The following COL19A1 variants were observed in gnomAD, a reference collection of about 807,000 sequenced individuals.
COL19A1 encodes the protein collagen type XIX alpha 1 chain.
In COL19A1, 159 loss-of-function variants were observed where a neutral mutation model predicts 190.2. The observed-to-expected ratio is 0.84, with a 90% CI of 0.73 to 0.95. COL19A1 has a LOEUF of 0.95. Among genes scored for constraint, COL19A1 ranks in the 40% least tolerant of loss-of-function variants. The pLI is 0.00. For synonymous variants in COL19A1, 509 were observed against 458.9 expected, an observed-to-expected ratio of 1.11 and a Z score of -1.39; for missense variants, 1,418 against 1,431.9, an observed-to-expected ratio of 0.99 and a Z score of 0.16.
At position 70,210,432 on chromosome 6, in the gene COL19A1, T is replaced by C. The variant is rs1326371629; in HGVS notation, c.*3158T>C. On this transcript the variant is annotated 3_prime_UTR_variant, in exon 51 of 51. Coordinates refer to ENST00000620364, the MANE Select transcript of COL19A1 (RefSeq NM_001858.6). Reference sequence around the variant, plus strand: ...TTTTAACCTTTTAAACTTTTCACTTTGTGAGCAAAGTAACCCCATAAGTTT... The same window carrying C: ...TTTTAACCTTTTAAACTTTTCACTTCGTGAGCAAAGTAACCCCATAAGTTT... 2.0e-5 allele frequency among the ~76,000 whole-genome samples: 3 copies of C among 152,208 alleles called. No individual in the cohort carries two copies. The highest frequency in any genetic ancestry group is 4.4e-5 in the Non-Finnish European group (3 of 67,994).
At chr6:70,206,785 T>G in intron 49 of COL19A1, 116 bp from the exon 50 acceptor site, 1 of 832,766 alleles carries the variant, frequency 1.2e-6, no homozygotes, top group South Asian at 2.0e-5. Context: ...AATATACTAT[T>G]TATTTTAAGC....
chr6:70,008,025 A>G (rs1170251560), intron 11 of COL19A1, among the ~76,000 whole-genome samples: 1 of 151,996 alleles, frequency 6.6e-6, no homozygotes, highest in Non-Finnish European at 1.5e-5. Flanking sequence ...TTTTGAGCTT[A>G]ATAAAAATAA....
intron 3 of COL19A1, among the ~76,000 whole-genome samples, chr6:69,899,706 C>T (rs1173404893): frequency 2.0e-5 from 3 of 152,024 alleles, no homozygotes; most frequent in Non-Finnish European, 4.4e-5. Flanking sequence ...TCTTATCTTT[C>T]TTTCTCCTTC....
intron 14 of COL19A1, among the ~76,000 whole-genome samples, chr6:70,038,244 T>G (rs1779458130): frequency 1.3e-5 from 2 of 152,250 alleles, no homozygotes; most frequent in African/African-American, 2.4e-5. Context: ...AGCTCCACGC[T>G]AAAATCTACT....
Position 70,208,146 on chromosome 6 carries a change from G to A in COL19A1, c.*872G>A, listed in dbSNP as rs1054190236. On this transcript the variant is annotated 3_prime_UTR_variant, in exon 51 of 51. Coordinates refer to ENST00000620364, the MANE Select transcript of COL19A1 (RefSeq NM_001858.6). Reference sequence around the variant, plus strand: ...TGGTGAAGCCACCAAGCTGTCTTTGGTACTCTTAAAGCTTCAGTGGCCTAG... The same window carrying A: ...TGGTGAAGCCACCAAGCTGTCTTTGATACTCTTAAAGCTTCAGTGGCCTAG... 1 of 152,130 alleles carries A rather than the reference G, an allele frequency of 6.6e-6. No individual in the cohort carries two copies. The highest frequency in any genetic ancestry group is 2.4e-5 in the African/African-American group (1 of 41,424). 9.4% of individuals were successfully genotyped at this position (152,130 alleles called of 1,614,324 possible).
At chr6:69,896,393 C>T (rs1283401186) in intron 2 of COL19A1, among the ~76,000 whole-genome samples, 9 of 151,618 alleles carry the variant, frequency 5.9e-5, no homozygotes, top group East Asian at 3.9e-4. Context: ...AAAAATTAGC[C>T]GGGCGCGGTG....
intron 7 of COL19A1, among the ~76,000 whole-genome samples, chr6:69,934,139 A>G (rs939667213): frequency 2.0e-5 from 3 of 152,018 alleles, no homozygotes; most frequent in African/African-American, 7.2e-5. Flanking sequence ...GACTTAAAGC[A>G]TAGCTAAGTC....
In COL19A1 at chr6:70,208,127, A is replaced by G. The variant is rs1048144907; in HGVS notation, c.*853A>G. 1.8e-4 allele frequency: 27 copies of G among 152,174 alleles called. No homozygotes were observed. The highest frequency in any genetic ancestry group is 6.5e-4 in the African/African-American group (27 of 41,438). 9.4% of individuals were successfully genotyped at this position (152,174 alleles called of 1,614,324 possible). ...TTCCCTACAAGGTGCTTGGTGGTGA[A>G]GCCACCAAGCTGTCTTTGGTACTCT... On this transcript the variant is annotated 3_prime_UTR_variant, in exon 51 of 51. Transcript: ENST00000620364.
intron 4 of COL19A1, among the ~76,000 whole-genome samples, chr6:69,908,483 G>T (rs1054614829): frequency 2.0e-5 from 3 of 152,068 alleles, no homozygotes; most frequent in Admixed American, 6.5e-5. Context: ...AGAATCTGAG[G>T]TTAGTCATTA....
At chr6:70,160,831 A>G (rs1436352483) in intron 34 of COL19A1, among the ~76,000 whole-genome samples, 2 of 152,188 alleles carry the variant, frequency 1.3e-5, no homozygotes, top group South Asian at 4.1e-4. Flanking sequence ...TACATTTAAA[A>G]TTGTTTAAAA....
intron 11 of COL19A1, among the ~76,000 whole-genome samples, chr6:69,976,296 T>C (rs1275265985): frequency 6.6e-6 from 1 of 152,210 alleles, no homozygotes; most frequent in Non-Finnish European, 1.5e-5. Context: ...AGGCCTTCAA[T>C]TTATTTTCAA....
chr6:70,189,399 C>G (rs1364448705), intron 47 of COL19A1, among the ~76,000 whole-genome samples: 2 of 152,198 alleles, frequency 1.3e-5, no homozygotes, highest in Admixed American at 6.5e-5. Context: ...ACTCTCTCAT[C>G]TGACCATCTT....
intron 16 of COL19A1, among the ~76,000 whole-genome samples, chr6:70,103,793 T>C (rs988597266): frequency 5.9e-5 from 9 of 152,220 alleles, no homozygotes; most frequent in African/African-American, 2.2e-4. Flanking sequence ...CTTTGGACTC[T>C]TATTTTCCTC....
chr6:70,003,323 G>A (rs1777393094), intron 11 of COL19A1, among the ~76,000 whole-genome samples: 1 of 152,176 alleles, frequency 6.6e-6, no homozygotes, highest in Non-Finnish European at 1.5e-5. Context: ...GTGCCATGTG[G>A]CACTGAGAAG....
At chr6:69,991,716 G>A (rs1439368708) in intron 11 of COL19A1, among the ~76,000 whole-genome samples, 1 of 151,856 alleles carries the variant, frequency 6.6e-6, no homozygotes, top group African/African-American at 2.4e-5. Flanking sequence ...CACGTCTTTT[G>A]CCCATTTTTT....
At chr6:70,129,698 A>AAAAAT (rs1227076792) in intron 17 of COL19A1, among the ~76,000 whole-genome samples, 1 of 152,236 alleles carries the variant, frequency 6.6e-6, no homozygotes, top group African/African-American at 2.4e-5. Context: ...CAAAAAGGAA[A>AAAAAT]AAAATAAAAT....
At chr6:70,206,868 T>C (rs765709544) in intron 49 of COL19A1, 33 bp from the exon 50 acceptor site, 2 of 1,593,538 alleles carry the variant, frequency 1.3e-6, no homozygotes, top group East Asian at 2.2e-5. Context: ...GAACCCTTTT[T>C]GTGTGTCTCT....
chr6:70,083,053 TG>T (rs1277764062), intron 15 of COL19A1, among the ~76,000 whole-genome samples: 2 of 152,188 alleles, frequency 1.3e-5, no homozygotes, highest in Admixed American at 1.3e-4. Flanking sequence ...GGTACCAGCC[TG>T]GGGCCTGGGG....
chr6:70,148,046 G>A (rs955995390), intron 27 of COL19A1, among the ~76,000 whole-genome samples: 27 of 152,204 alleles, frequency 1.8e-4, no homozygotes, highest in East Asian at 1.7e-3. Flanking sequence ...CAGTCCCCAC[G>A]GAGTTGGGGT....
Sources: allele counts gnomAD v4.1 joint callset (sites outside exome capture counted in the v4.1 genomes callset), GRCh38; gene constraint gnomAD v4.1.1; transcripts MANE v1.5; gene names NCBI Gene and HGNC (gene_info 2026-07-23, HGNC 2026-07-21).